ZC3H12B: variants seen among roughly 807,000 people sequenced by gnomAD.
The protein encoded by ZC3H12B is zinc finger CCCH-type containing 12B, also known as probable ribonuclease ZC3H12B.
ZC3H12B carries 7 observed loss-of-function variants against 43.9 expected under a neutral mutation model. That is an observed-to-expected ratio of 0.16 (90% CI 0.09 to 0.30). ZC3H12B has a LOEUF of 0.30. Ranked by LOEUF, ZC3H12B falls within the 10% of genes least tolerant of loss-of-function variation. ZC3H12B has a pLI of 1.00. For synonymous variants in ZC3H12B, 222 were observed against 241.7 expected (o/e 0.92, Z 0.76); for missense variants, 475 against 670.2 (o/e 0.71, Z 3.22).
intron 3 of ZC3H12B, among the ~76,000 whole-genome samples, chrX:65,450,910 T>TAC (rs1216746757): frequency 7.4e-5 from 7 of 95,211 alleles, no homozygotes; most frequent in Non-Finnish European, 1.2e-4. Context: ...TATACATATA[T>TAC]ACACACACAC....
chrX:65,221,614 A>G, the ZC3H12B span, among the ~76,000 whole-genome samples: 1 of 111,068 alleles, frequency 9.0e-6, no homozygotes, highest in Non-Finnish European at 1.9e-5. Context: ...ATTTGTGGAA[A>G]TATGCAACCC....
chrX:65,455,455 C>T (rs1193109735), intron 3 of ZC3H12B, among the ~76,000 whole-genome samples: 1 of 111,802 alleles, frequency 8.9e-6, no homozygotes, highest in Non-Finnish European at 1.9e-5. Flanking sequence ...CGAATAAAGC[C>T]TCCAGGAAAT....
At chrX:65,446,491 T>C (rs183134705) in intron 3 of ZC3H12B, among the ~76,000 whole-genome samples, 68 of 111,710 alleles carry the variant, frequency 6.1e-4, no homozygotes, top group African/African-American at 2.0e-3. Context: ...CTTTAATGCT[T>C]GGTGGTGTGG....
the ZC3H12B span, among the ~76,000 whole-genome samples, chrX:65,180,902 T>C: frequency 9.0e-6 from 1 of 111,555 alleles, no homozygotes; most frequent in Non-Finnish European, 1.9e-5. Context: ...CAGAAACTAC[T>C]TCAAATTTCA....
At chrX:65,181,856 G>T in the ZC3H12B span, among the ~76,000 whole-genome samples, 165 of 111,787 alleles carry the variant, frequency 1.5e-3, no homozygotes, top group African/African-American at 5.1e-3. Context: ...ATTCCTCAAG[G>T]ATCTAGAACC....
the ZC3H12B span, among the ~76,000 whole-genome samples, chrX:65,260,488 C>T: frequency 9.0e-6 from 1 of 111,009 alleles, no homozygotes; most frequent in Non-Finnish European, 1.9e-5. Flanking sequence ...ACCTGGCTGT[C>T]AAAATAACCT....
the ZC3H12B span, among the ~76,000 whole-genome samples, chrX:65,154,273 T>C: frequency 8.0e-5 from 9 of 112,353 alleles, no homozygotes; most frequent in Non-Finnish European, 1.7e-4. Context: ...AATTTTCTCA[T>C]GCCGTACACA....
chrX:65,500,078 AT>A, intron 4 of ZC3H12B, 89 bp downstream of exon 9: 1 of 733,477 alleles, frequency 1.4e-6, no homozygotes, highest in Non-Finnish European at 2.1e-6. Context: ...TCCCTTTCAA[AT>A]GGGAAATCCT....
rs765203514 is a variant in ZC3H12B at position 65,466,832 on chromosome X, T to A, written n.408-21814T>A. ...TCCTGATTAATAATTTTGAGCACCT[T>A]TTCTTATACTTCTTGGGCATTTGTA... On this transcript the variant is annotated intron_variant and non_coding_transcript_variant, in intron 3 of 5. Coordinates refer to the ZC3H12B transcript ENST00000617377. Among the ~76,000 whole-genome samples, 11 of 96,818 alleles carry A rather than the reference T, an allele frequency of 1.1e-4. No individual in the cohort carries two copies. In the East Asian group the frequency reaches 3.6e-3, roughly 32 times the overall value. The allele number at this position is 96,818 out of a possible 115,157, so 84.1% of individuals were successfully genotyped here. A position where few individuals can be genotyped will look rare whatever the true frequency, so the allele number is the denominator to read the frequency against.
chrX:65,056,329 G>T, the ZC3H12B span, among the ~76,000 whole-genome samples: 1 of 111,527 alleles, frequency 9.0e-6, no homozygotes, highest in South Asian at 3.8e-4. Flanking sequence ...CTTTATTTCT[G>T]CCTTCATTTC....
At chrX:65,173,125 G>T in the ZC3H12B span, among the ~76,000 whole-genome samples, 1 of 111,618 alleles carries the variant, frequency 9.0e-6, no homozygotes. Flanking sequence ...TCTCTTTGAA[G>T]ACGTCCTTCC....
chrX:65,191,223 G>A, the ZC3H12B span, among the ~76,000 whole-genome samples: 1 of 45,384 alleles, frequency 2.2e-5, no homozygotes, highest in Non-Finnish European at 3.6e-5. Context: ...GAGGATTTTT[G>A]CATCAATGTT....
chrX:65,281,696 G>A, the ZC3H12B span, among the ~76,000 whole-genome samples: 1 of 112,454 alleles, frequency 8.9e-6, no homozygotes, highest in Non-Finnish European at 1.9e-5. Flanking sequence ...ACACCTAAAT[G>A]TCATAGCTGA....
At chrX:65,306,504 C>G in the ZC3H12B span, among the ~76,000 whole-genome samples, 1 of 111,030 alleles carries the variant, frequency 9.0e-6, no homozygotes, top group Admixed American at 9.6e-5. Flanking sequence ...TCCCGAGTAG[C>G]TGGGACTACA....
At chrX:65,412,289 T>C (rs1298854896) in intron 3 of ZC3H12B, among the ~76,000 whole-genome samples, 2 of 112,113 alleles carry the variant, frequency 1.8e-5, no homozygotes, top group South Asian at 7.4e-4. Context: ...TATTTCAAGA[T>C]TCTTTTGAAA....
At chrX:65,353,548 G>T in the ZC3H12B span, among the ~76,000 whole-genome samples, 1 of 111,932 alleles carries the variant, frequency 8.9e-6, no homozygotes, top group East Asian at 2.8e-4. Flanking sequence ...GGAAAGATTT[G>T]AATATAATTA....
the ZC3H12B span, among the ~76,000 whole-genome samples, chrX:65,197,422 G>T: frequency 8.9e-6 from 1 of 112,016 alleles, no homozygotes; most frequent in African/African-American, 3.2e-5. Flanking sequence ...GAATTTGAAA[G>T]ACCTCTTTCT....
chrX:65,219,392 C>A, the ZC3H12B span, among the ~76,000 whole-genome samples: 1 of 111,467 alleles, frequency 9.0e-6, no homozygotes, highest in Admixed American at 9.5e-5. Flanking sequence ...TGAAGTCCAA[C>A]TTAAATCAAA....
chrX:65,296,383 C>T, the ZC3H12B span, among the ~76,000 whole-genome samples: 1 of 110,806 alleles, frequency 9.0e-6, no homozygotes, highest in Non-Finnish European at 1.9e-5. Context: ...GGATAAAAGA[C>T]TACACATTTG....
Sources: gnomAD v4.1 joint callset for allele counts (sites outside exome capture counted in the v4.1 genomes callset) on GRCh38, gnomAD v4.1.1 for gene constraint, MANE v1.5 for transcripts, NCBI Gene and HGNC (gene_info 2026-07-23, HGNC 2026-07-21) for gene names.